SNX24: variants seen among roughly 807,000 people sequenced by gnomAD.
The protein encoded by SNX24 is sorting nexin 24.
A neutral mutation model predicts 28.7 loss-of-function variants in SNX24; 22 were observed. The observed-to-expected ratio is 0.77, with a 90% CI of 0.55 to 1.10. The LOEUF is 1.10. Among genes scored for constraint, SNX24 ranks in the 50% least tolerant of loss-of-function variants. The pLI, the probability that SNX24 is intolerant of heterozygous loss-of-function variation, is 0.00. For missense variants in SNX24, 221 were observed against 201.1 expected, an observed-to-expected ratio of 1.10 and a Z score of -0.60; for synonymous variants, 69 against 71.5, an observed-to-expected ratio of 0.96 and a Z score of 0.18.
intron 1 of SNX24, among the ~76,000 whole-genome samples, chr5:122,867,425 C>T (rs1755771184): frequency 6.6e-6 from 1 of 152,146 alleles, no homozygotes; most frequent in Admixed American, 6.5e-5. Flanking sequence ...GGAAGCAATC[C>T]ATTGTAGTCA....
At chr5:122,865,907 A>T (rs1049035451) in intron 1 of SNX24, among the ~76,000 whole-genome samples, 3 of 152,226 alleles carry the variant, frequency 2.0e-5, no homozygotes, top group South Asian at 2.1e-4. Flanking sequence ...TCCTTGAGTG[A>T]TGTTTACTCT....
intron 3 of SNX24, among the ~76,000 whole-genome samples, chr5:122,990,633 T>A (rs1761803126): frequency 6.6e-6 from 1 of 152,194 alleles, no homozygotes; most frequent in African/African-American, 2.4e-5. Flanking sequence ...TAATTGTAAA[T>A]CTTTTATTAA....
At chr5:122,994,789 A>G (rs984029706) in intron 3 of SNX24, among the ~76,000 whole-genome samples, 1 of 152,252 alleles carries the variant, frequency 6.6e-6, no homozygotes, top group Non-Finnish European at 1.5e-5. Context: ...CTGAAGAAAT[A>G]TCTGGTCTGC....
intron 1 of SNX24, among the ~76,000 whole-genome samples, chr5:122,930,029 C>G (rs974600777): frequency 6.6e-6 from 1 of 152,174 alleles, no homozygotes; most frequent in African/African-American, 2.4e-5. Context: ...CACACACTAT[C>G]AAACTTTGAA....
chr5:122,979,653 A>G (rs561101816), intron 3 of SNX24, among the ~76,000 whole-genome samples: 3 of 152,354 alleles, frequency 2.0e-5, no homozygotes, highest in Admixed American at 2.0e-4. Flanking sequence ...AAATACAGTA[A>G]TAATCAGAGA....
intron 1 of SNX24, among the ~76,000 whole-genome samples, chr5:122,889,727 GTATA>G (rs34634244): frequency 6.3e-5 from 9 of 143,576 alleles, no homozygotes; most frequent in African/African-American, 1.8e-4. Flanking sequence ...ATATGTATGT[GTATA>G]TATATATATG....
At chr5:122,964,669 A>G (rs1442376643) in intron 3 of SNX24, among the ~76,000 whole-genome samples, 1 of 152,178 alleles carries the variant, frequency 6.6e-6, no homozygotes, top group Non-Finnish European at 1.5e-5. Context: ...ATATATAAAA[A>G]GTATAAAAAT....
chr5:123,000,835 A>G (rs1025556374), intron 4 of SNX24, among the ~76,000 whole-genome samples: 1 of 152,128 alleles, frequency 6.6e-6, no homozygotes, highest in African/African-American at 2.4e-5. Context: ...AGGTTTACCC[A>G]TTTTCTTGCT....
chr5:122,940,562 G>A (rs1474736990), intron 2 of SNX24, among the ~76,000 whole-genome samples: 2 of 151,962 alleles, frequency 1.3e-5, no homozygotes, highest in African/African-American at 4.8e-5. Context: ...AAATACAGTG[G>A]CTTAAAATTT....
At chr5:122,889,589 G>T (rs1396377081) in intron 1 of SNX24, among the ~76,000 whole-genome samples, 1 of 143,806 alleles carries the variant, frequency 7.0e-6, no homozygotes, top group Non-Finnish European at 1.5e-5. Flanking sequence ...CTCAATCCGT[G>T]TATGTGTATA....
intron 5 of SNX24, among the ~76,000 whole-genome samples, chr5:123,015,384 CTG>C (rs756285111): frequency 5.9e-5 from 9 of 152,234 alleles, no homozygotes; most frequent in Non-Finnish European, 1.0e-4. Context: ...AAAACAGTGA[CTG>C]TGTATAGTTT....
At chr5:122,938,080 G>A (rs1759254933) in intron 2 of SNX24, among the ~76,000 whole-genome samples, 2 of 152,012 alleles carry the variant, frequency 1.3e-5, no homozygotes, top group African/African-American at 2.4e-5. Context: ...CAACACCTAG[G>A]ACTCCATGAC....
At chr5:122,848,630 G>A (rs1018275556) in intron 1 of SNX24, among the ~76,000 whole-genome samples, 2 of 151,996 alleles carry the variant, frequency 1.3e-5, no homozygotes, top group African/African-American at 4.8e-5. Context: ...AATCTCTTGA[G>A]CCCCGGAGGC....
At chr5:122,995,822 A>G (rs1762033824) in intron 3 of SNX24, among the ~76,000 whole-genome samples, 1 of 152,180 alleles carries the variant, frequency 6.6e-6, no homozygotes, top group East Asian at 1.9e-4. Flanking sequence ...CTTCACCACC[A>G]GAGTCACTGG....
intron 1 of SNX24, among the ~76,000 whole-genome samples, chr5:122,921,664 A>G (rs751812819): frequency 1.6e-4 from 24 of 152,158 alleles, no homozygotes; most frequent in Admixed American, 3.3e-4. Context: ...ATTGGTAGCA[A>G]TGTAAGAGTT....
At chr5:122,992,897 T>C (rs1287008118) in intron 3 of SNX24, among the ~76,000 whole-genome samples, 1 of 152,152 alleles carries the variant, frequency 6.6e-6, no homozygotes, top group African/African-American at 2.4e-5. Flanking sequence ...CAAAGACTAT[T>C]GATTTTCCAA....
At chr5:122,908,238 C>T (rs917318535) in intron 1 of SNX24, among the ~76,000 whole-genome samples, 1 of 152,200 alleles carries the variant, frequency 6.6e-6, no homozygotes, top group South Asian at 2.1e-4. Context: ...TAGTTTTGCT[C>T]TGATCAATAA....
chr5:122,994,755 A>T (rs2150170022), intron 3 of SNX24, among the ~76,000 whole-genome samples: 1 of 152,356 alleles, frequency 6.6e-6, no homozygotes, highest in African/African-American at 2.4e-5. Flanking sequence ...CATTTTTAAA[A>T]ATTCTTCATT....
chr5:122,942,701 G>T (rs35098926), intron 2 of SNX24, among the ~76,000 whole-genome samples: 3,937 of 152,276 alleles, frequency 0.026, 66 homozygotes, highest in Non-Finnish European at 0.037. Context: ...GATCAGACAG[G>T]CAGTTTGCCT....
Sources: allele counts gnomAD v4.1 joint callset (sites outside exome capture counted in the v4.1 genomes callset), GRCh38; gene constraint gnomAD v4.1.1; transcripts MANE v1.5; gene names NCBI Gene and HGNC (gene_info 2026-07-23, HGNC 2026-07-21).